DDIT4L: variants seen among roughly 807,000 people sequenced by gnomAD.
DDIT4L encodes DNA damage-inducible transcript 4-like protein.
DDIT4L carries 13 observed loss-of-function variants against 15.9 expected under a neutral mutation model. The observed-to-expected ratio is 0.82, with a 90% CI of 0.53 to 1.30. The LOEUF (loss-of-function observed/expected upper bound fraction) is 1.30. Ranked by LOEUF, DDIT4L falls within the 50% of genes most tolerant of loss-of-function variation. The pLI, the probability that DDIT4L is intolerant of heterozygous loss-of-function variation, is 0.00. For missense variants in DDIT4L, 235 were observed against 224.8 expected (o/e 1.05, Z -0.29); for synonymous variants, 82 against 85.4 (o/e 0.96, Z 0.22).
rs144358521 is a variant in DDIT4L, at chr4:100,187,736, G to A, written c.523C>T (p.Arg175Ter). The change falls in exon 3 of 3, where the codon CGA becomes TGA. Residue 175 changes from arginine (R) to a stop codon, truncating the protein, a stop_gained. Coordinates refer to ENST00000273990, the MANE Select transcript of DDIT4L (RefSeq NM_145244.4). LOFTEE classifies it high-confidence loss of function. ...GAGTAAAGTTTTTTCTTAACAAGTC[G>A]AAATCCTGAGCTGAGGATCAGAGTT... ...RRTLILSSGF[R>*]LVKKKLYSLI... 23 of 1,610,330 alleles carry A rather than the reference G, an allele frequency of 1.4e-5. No homozygotes were observed. Among genetic ancestry groups the A allele is most frequent in the South Asian group, 3.3e-5 (3 of 90,000 alleles).
In DDIT4L at chr4:100,186,612, C is replaced by T. The variant is rs908635591; in HGVS notation, c.*1065G>A. 6.6e-6 allele frequency: 1 copy of T among 152,288 alleles called. No homozygotes were observed. Among genetic ancestry groups the T allele is most frequent in the East Asian group, 1.9e-4 (1 of 5,182 alleles). The allele number at this position is 152,288 out of a possible 1,614,324, so 9.4% of individuals were successfully genotyped here. On this transcript the variant is annotated 3_prime_UTR_variant, in exon 3 of 3. Coordinates refer to ENST00000273990, the MANE Select transcript of DDIT4L (RefSeq NM_145244.4). ...TTCATTCTCTAGGCTGTACTATAAA[C>T]CATATCTCCATAGCCAATGCAGACT...
In DDIT4L at chr4:100,187,674, T is replaced by A. The variant is rs1314236553; in HGVS notation, c.*3A>T. 1.9e-6 allele frequency: 3 copies of A among 1,577,688 alleles called. No homozygotes were observed. Among genetic ancestry groups the A allele is most frequent in the Non-Finnish European group, 2.6e-6 (3 of 1,171,042 alleles). On this transcript the variant is annotated 3_prime_UTR_variant, in exon 3 of 3. Coordinates refer to ENST00000273990, the MANE Select transcript of DDIT4L (RefSeq NM_145244.4). ...TGAAATAATCTTTATATATTTTCCCTTTTTAGGACCCTTCAATCACTGTTG... is the reference window on the plus strand; with the variant it reads ...TGAAATAATCTTTATATATTTTCCCATTTTAGGACCCTTCAATCACTGTTG...
Position 100,189,977 on chromosome 4 carries a change from C to G in DDIT4L, c.7G>C (p.Ala3Pro). The change falls in exon 2 of 3, where the codon GCA becomes CCA. Residue 3 changes from alanine to proline, a missense_variant. By Grantham distance (27) the Ala-to-Pro change is conservative. Transcript: ENST00000273990. Reference protein sequence around the residue: MVATGSLSSKNPA... With the variant: MVPTGSLSSKNPA... Reference sequence around the variant, plus strand: ...TTCTTGCTGCTCAAACTGCCAGTTGCAACCATGGTCAACGGCTCTGTTTCC... The same window carrying G: ...TTCTTGCTGCTCAAACTGCCAGTTGGAACCATGGTCAACGGCTCTGTTTCC... The G allele has an allele frequency of 1.2e-6, 2 of 1,614,100 alleles. No homozygotes were observed. The highest frequency in any genetic ancestry group is 2.2e-5 in the East Asian group (1 of 44,864).
At position 100,186,698 on chromosome 4, in the gene DDIT4L, T is replaced by C. The variant is rs1723425151; in HGVS notation, c.*979A>G. The C allele has an allele frequency of 6.6e-6, 1 of 152,114 alleles. No individual in the cohort carries two copies. The highest frequency in any genetic ancestry group is 1.5e-5 in the Non-Finnish European group (1 of 68,020). The allele number at this position is 152,114 out of a possible 1,614,324, so 9.4% of individuals were successfully genotyped here. ...AGTATACAGCTACTACCCTTGACAA[T>C]TGGGGTTAAGGAGAGATACTTCAAT... On this transcript the variant is annotated 3_prime_UTR_variant, in exon 3 of 3. Coordinates refer to ENST00000273990, the MANE Select transcript of DDIT4L (RefSeq NM_145244.4).
chr4:100,188,291 CAG>C (rs747277644), intron 2 of DDIT4L, 124 bp from the exon 3 acceptor site: 89 of 1,064,002 alleles, frequency 8.4e-5, no homozygotes, highest in Non-Finnish European at 1.2e-4. Context: ...GTATTTGTTT[CAG>C]AGTCAGCTGA....
chr4:100,187,878 A>G lies in DDIT4L; in HGVS notation c.381T>C (p.Asp127=), dbSNP rs374448501. The change falls in exon 3 of 3, where the codon GAT becomes GAC. Residue 127 remains aspartate (D), a synonymous_variant. Coordinates refer to ENST00000273990, the MANE Select transcript of DDIT4L (RefSeq NM_145244.4). ...VCKKLDRIVC[D]SSVVPTFELT... Reference sequence around the variant, plus strand: ...GCTCAAAAGTAGGTACGACGCTAGAATCACACACAATCCTATCCAGCTTTT... The same window carrying G: ...GCTCAAAAGTAGGTACGACGCTAGAGTCACACACAATCCTATCCAGCTTTT... The G allele has an allele frequency of 5.6e-6, 9 of 1,613,838 alleles. No homozygotes were observed. The highest frequency in any genetic ancestry group is 1.3e-5 in the African/African-American group (1 of 74,924).
chr4:100,190,257 C>A (rs1578323019), intron 1 of DDIT4L, 46 bp downstream of exon 1: 2 of 440,152 alleles, frequency 4.5e-6, no homozygotes, highest in East Asian at 9.3e-5. Flanking sequence ...CCCCGCGGAG[C>A]GCCCCCCGGC....
In DDIT4L at chr4:100,187,627, G is replaced by A; in HGVS notation, c.*50C>T. The A allele has an allele frequency of 5.2e-6, 8 of 1,542,116 alleles. No homozygotes were observed. Among genetic ancestry groups the A allele is most frequent in the Non-Finnish European group, 6.9e-6 (8 of 1,154,900 alleles). ...TACAAATGACTTTAGCTGACTAGCTGAATAGTTTTACTACCCAATCATGAA... is the reference window on the plus strand; with the variant it reads ...TACAAATGACTTTAGCTGACTAGCTAAATAGTTTTACTACCCAATCATGAA... On this transcript the variant is annotated 3_prime_UTR_variant, in exon 3 of 3. Transcript: ENST00000273990.
In DDIT4L at chr4:100,187,796, A is replaced by C; in HGVS notation, c.463T>G (p.Phe155Val). The C allele has an allele frequency of 6.2e-7, 1 of 1,613,500 alleles. No homozygotes were observed. Among genetic ancestry groups the C allele is most frequent in the Non-Finnish European group, 8.5e-7 (1 of 1,179,906 alleles). Residue 155 changes from phenylalanine to valine, a missense_variant, in exon 3 of 3, where the codon TTT (phenylalanine) becomes GTT (valine). Phe to Val is a conservative substitution (Grantham distance 50). Transcript: ENST00000273990. ...CSWTSFRDFF[F>V]SRGRFSSGFR... Reference sequence around the variant, plus strand: ...CCAGAGGAGAAGCGACCTCTACTAAAGAAAAAGTCCCTGAAGCTAGTCCAT... The same window carrying C: ...CCAGAGGAGAAGCGACCTCTACTAACGAAAAAGTCCCTGAAGCTAGTCCAT...
At chr4:100,188,243 C>T (rs763044418) in intron 2 of DDIT4L, 76 bp from the exon 3 acceptor site, 15 of 1,420,938 alleles carry the variant, frequency 1.1e-5, no homozygotes, top group South Asian at 2.6e-5. Context: ...AAGATATCAA[C>T]ATTGGTTACC....
chr4:100,189,711 T>C (rs1723482480), intron 2 of DDIT4L, among the ~76,000 whole-genome samples, 182 bp downstream of exon 2: 1 of 152,220 alleles, frequency 6.6e-6, no homozygotes, highest in Non-Finnish European at 1.5e-5. Context: ...TATTCTACTT[T>C]TGCTACTTTT....
rs201938125 is a variant in DDIT4L, at chr4:100,187,955, C to T, written c.304G>A (p.Gly102Ser). The stretch of plus-strand genomic sequence containing the variant: ...ACGTGCATAACACAACCTCGCAAGC[C>T]GCAGGGCTCCGTTGAGGAAAGCCGC... Reference protein sequence around the residue: ...VLRLSSTEPCGLRGCVMHVNL... With the variant: ...VLRLSSTEPCSLRGCVMHVNL... The change falls in exon 3 of 3, where the codon GGC becomes AGC. Residue 102 changes from glycine (G) to serine (S), a missense_variant. Coordinates refer to ENST00000273990, the MANE Select transcript of DDIT4L (RefSeq NM_145244.4). 20 of 1,613,984 alleles carry T rather than the reference C, an allele frequency of 1.2e-5. No individual in the cohort carries two copies. Among genetic ancestry groups the T allele is most frequent in the Admixed American group, 1.7e-5 (1 of 60,002 alleles).
At position 100,189,996 on chromosome 4, in the gene DDIT4L, T is replaced by C. The variant is rs756374820; in HGVS notation, c.-13A>G. On this transcript the variant is annotated 5_prime_UTR_variant, in exon 2 of 3. Transcript: ENST00000273990. ...CAGTTGCAACCATGGTCAACGGCTCTGTTTCCTTCGCGAGGCGCAACGGCC... is the reference window on the plus strand; with the variant it reads ...CAGTTGCAACCATGGTCAACGGCTCCGTTTCCTTCGCGAGGCGCAACGGCC... The C allele has an allele frequency of 6.2e-7, 1 of 1,613,682 alleles. No individual in the cohort carries two copies. Among genetic ancestry groups the C allele is most frequent in the Non-Finnish European group, 8.5e-7 (1 of 1,179,698 alleles).
chr4:100,189,863 G>C (rs967861779), intron 2 of DDIT4L, 30 bp downstream of exon 2: 19 of 1,608,384 alleles, frequency 1.2e-5, no homozygotes, highest in Middle Eastern at 1.7e-4. Flanking sequence ...ACCTTGGGAG[G>C]GGAGAAGGGT....
chr4:100,187,583 TAGGGC>T lies in DDIT4L; in HGVS notation c.*89_*93del. The T allele has an allele frequency of 3.6e-6, 5 of 1,378,412 alleles. No homozygotes were observed. Among genetic ancestry groups the T allele is most frequent in the Non-Finnish European group, 4.8e-6 (5 of 1,036,622 alleles). 85.4% of individuals were successfully genotyped at this position (1,378,412 alleles called of 1,614,324 possible). On this transcript the variant is annotated 3_prime_UTR_variant, in exon 3 of 3. Coordinates refer to ENST00000273990, the MANE Select transcript of DDIT4L (RefSeq NM_145244.4). ...GAGACTACATTTGGGGTTTCTTATTTAGGGCAGGTGGGGCAAACTACAAATGACTT... is the reference window on the plus strand; with the variant it reads ...GAGACTACATTTGGGGTTTCTTATTTAGGTGGGGCAAACTACAAATGACTT...
intron 2 of DDIT4L, 49 bp downstream of exon 2, chr4:100,189,844 G>C (rs536259877): frequency 2.5e-6 from 4 of 1,582,566 alleles, no homozygotes; most frequent in South Asian, 1.1e-5. Context: ...AATAGATCCA[G>C]AGGCACCGAC....
chr4:100,187,802 A>G lies in DDIT4L; in HGVS notation c.457T>C (p.Phe153Leu). The G allele has an allele frequency of 6.2e-7, 1 of 1,613,382 alleles. No individual in the cohort carries two copies. The highest frequency in any genetic ancestry group is 2.2e-5 in the East Asian group (1 of 44,894). The change falls in exon 3 of 3, where the codon TTT becomes CTT. Residue 153 changes from phenylalanine to leucine, a missense_variant. Physicochemically the swap from Phe to Leu is conservative, Grantham distance 22. Coordinates refer to ENST00000273990, the MANE Select transcript of DDIT4L (RefSeq NM_145244.4). ...GAGAAGCGACCTCTACTAAAGAAAA[A>G]GTCCCTGAAGCTAGTCCATGAGCAG... is the stretch of plus-strand genomic sequence containing the variant. ...ENCSWTSFRDFFFSRGRFSSG... is the reference protein window; with the variant it reads ...ENCSWTSFRDLFFSRGRFSSG...
chr4:100,187,641 C>G lies in DDIT4L; in HGVS notation c.*36G>C. 6.4e-7 allele frequency: 1 copy of G among 1,560,606 alleles called. No individual in the cohort carries two copies. The highest frequency in any genetic ancestry group is 8.6e-7 in the Non-Finnish European group (1 of 1,164,134). ...GCTGACTAGCTGAATAGTTTTACTA[C>G]CCAATCATGAAATAATCTTTATATA... On this transcript the variant is annotated 3_prime_UTR_variant, in exon 3 of 3. Transcript: ENST00000273990.
chr4:100,187,953 G>A lies in DDIT4L; in HGVS notation c.306C>T (p.Gly102=). The A allele has an allele frequency of 6.2e-7, 1 of 1,614,102 alleles. No individual in the cohort carries two copies. Among genetic ancestry groups the A allele is most frequent in the Non-Finnish European group, 8.5e-7 (1 of 1,180,018 alleles). ...TCACGTGCATAACACAACCTCGCAA[G>A]CCGCAGGGCTCCGTTGAGGAAAGCC... is the stretch of plus-strand genomic sequence containing the variant. ...VLRLSSTEPC[G]LRGCVMHVNL... The change falls in exon 3 of 3, where the codon GGC becomes GGT. Residue 102 remains glycine (G), a synonymous_variant. Coordinates refer to ENST00000273990, the MANE Select transcript of DDIT4L (RefSeq NM_145244.4).
Sources: gnomAD v4.1 joint callset for allele counts (sites outside exome capture counted in the v4.1 genomes callset) on GRCh38, gnomAD v4.1.1 for gene constraint, MANE v1.5 for transcripts, NCBI Gene and HGNC (gene_info 2026-07-23, HGNC 2026-07-21) for gene names.